The following RBFOX1 variants were observed in gnomAD, a reference collection of about 807,000 sequenced individuals.
RBFOX1 encodes RNA binding fox-1 homolog 1.
A neutral mutation model predicts 57.7 loss-of-function variants in RBFOX1; 8 were observed. The ratio of observed to expected loss-of-function variants is 0.14; its 90% CI spans 0.08 to 0.25. The LOEUF is 0.25. RBFOX1 is among the 10% of genes least tolerant of loss of function. The pLI, the probability that RBFOX1 is intolerant of heterozygous loss-of-function variation, is 1.00. For missense variants in RBFOX1, 611 were observed against 548.5 expected, an observed-to-expected ratio of 1.11 and a Z score of -1.14; for synonymous variants, 326 against 222.4, an observed-to-expected ratio of 1.47 and a Z score of -4.15.
At chr16:7,607,547 G>T (rs1349870885) in intron 10 of RBFOX1, among the ~76,000 whole-genome samples, 1 of 152,196 alleles carries the variant, frequency 6.6e-6, no homozygotes, top group African/African-American at 2.4e-5. Flanking sequence ...TGGGGGATCA[G>T]CGTGGAGCCA....
intron 3 of RBFOX1, among the ~76,000 whole-genome samples, chr16:5,854,957 G>C (rs1007526457): frequency 2.0e-5 from 3 of 152,096 alleles, no homozygotes; most frequent in Admixed American, 2.0e-4. Context: ...GTTTTGATTT[G>C]CATTGCCCCA....
intron 5 of RBFOX1, among the ~76,000 whole-genome samples, chr16:7,529,976 T>C (rs1307303257): frequency 7.2e-6 from 1 of 138,718 alleles, no homozygotes; most frequent in Non-Finnish European, 1.5e-5. Flanking sequence ...GCCACTGCAC[T>C]CTAGCCTGGA....
chr16:7,493,785 G>C (rs1268908783), intron 4 of RBFOX1, among the ~76,000 whole-genome samples: 1 of 152,180 alleles, frequency 6.6e-6, no homozygotes, highest in Non-Finnish European at 1.5e-5. Flanking sequence ...AGAACTAAAA[G>C]AGAATATGTT....
At chr16:5,257,588 C>T (rs1170800860) in intron 1 of RBFOX1, among the ~76,000 whole-genome samples, 2 of 152,220 alleles carry the variant, frequency 1.3e-5, no homozygotes, top group African/African-American at 4.8e-5. Flanking sequence ...CAGCCTGTCT[C>T]TGGCGCTGAG....
At chr16:5,845,274 G>A (rs989192686) in intron 3 of RBFOX1, among the ~76,000 whole-genome samples, 8 of 152,152 alleles carry the variant, frequency 5.3e-5, no homozygotes, top group East Asian at 1.9e-4. Flanking sequence ...TTCCACCACC[G>A]TTATCTGTTC....
At chr16:6,512,104 C>G (rs910074365) in intron 2 of RBFOX1, among the ~76,000 whole-genome samples, 1 of 149,306 alleles carries the variant, frequency 6.7e-6, no homozygotes, top group African/African-American at 2.5e-5. Flanking sequence ...GACCTCTCTT[C>G]TCTACAAATA....
intron 3 of RBFOX1, among the ~76,000 whole-genome samples, chr16:5,708,069 G>T (rs1329255973): frequency 2.0e-5 from 3 of 152,140 alleles, no homozygotes; most frequent in Admixed American, 6.5e-5. Flanking sequence ...GCTAGTTGCT[G>T]TCCATACCAA....
chr16:5,244,584 T>C (rs149805869), intron 1 of RBFOX1, among the ~76,000 whole-genome samples: 9 of 152,340 alleles, frequency 5.9e-5, no homozygotes, highest in African/African-American at 2.2e-4. Context: ...CTCTCTCTGC[T>C]GAGATATAGA....
At chr16:5,731,031 A>G (rs1369075550) in intron 3 of RBFOX1, among the ~76,000 whole-genome samples, 2 of 148,646 alleles carry the variant, frequency 1.3e-5, no homozygotes, top group Non-Finnish European at 3.1e-5. Context: ...AACCGTCATC[A>G]CCATGAACAT....
chr16:6,893,443 T>G (rs2065999837), intron 3 of RBFOX1, among the ~76,000 whole-genome samples: 1 of 152,192 alleles, frequency 6.6e-6, no homozygotes, highest in African/African-American at 2.4e-5. Flanking sequence ...CAAAAGATCT[T>G]TCTTTTAAAC....
chr16:6,855,943 C>T (rs1404603393), intron 3 of RBFOX1, among the ~76,000 whole-genome samples: 6 of 151,238 alleles, frequency 4.0e-5, no homozygotes, highest in African/African-American at 9.7e-5. Flanking sequence ...ATATTCACTT[C>T]ATGGGCTCTG....
intron 4 of RBFOX1, among the ~76,000 whole-genome samples, chr16:7,511,938 C>G (rs1400304449): frequency 6.6e-6 from 1 of 152,174 alleles, no homozygotes; most frequent in Non-Finnish European, 1.5e-5. Flanking sequence ...TCAAGAAAGT[C>G]CAGGCACTGA....
chr16:7,597,809 C>T (rs1158081148), intron 9 of RBFOX1, among the ~76,000 whole-genome samples: 1 of 152,186 alleles, frequency 6.6e-6, no homozygotes, highest in African/African-American at 2.4e-5. Context: ...CATTCCTGGA[C>T]GTGCAGTCAC....
chr16:6,372,929 G>A (rs1271699397), intron 2 of RBFOX1, among the ~76,000 whole-genome samples: 1 of 151,242 alleles, frequency 6.6e-6, no homozygotes, highest in African/African-American at 2.4e-5. Flanking sequence ...GGATTGTTGG[G>A]TAGGAGGATT....
chr16:6,811,623 C>T lies in RBFOX1; in HGVS notation c.-16+156973C>T, dbSNP rs578081491. 9.2e-5 allele frequency among the ~76,000 whole-genome samples: 14 copies of T among 152,128 alleles called. No individual in the cohort carries two copies. The South Asian group carries it at 2.9e-3, about 32-fold the overall frequency. ...AGGCACAGGAGGCCAGTTACGGTGC[C>T]TCAGGTCTGTAATCCTAGCACTTTG... is the stretch of plus-strand genomic sequence containing the variant. On this transcript the variant is annotated intron_variant, in intron 3 of 15. Coordinates refer to ENST00000550418, the MANE Select transcript of RBFOX1 (RefSeq NM_018723.4).
At chr16:7,323,452 A>AT (rs1326334875) in intron 4 of RBFOX1, among the ~76,000 whole-genome samples, 2 of 152,174 alleles carry the variant, frequency 1.3e-5, no homozygotes, top group African/African-American at 4.8e-5. Context: ...TTTTCTAAAA[A>AT]CCCAGGCCAC....
At chr16:6,366,548 C>T (rs529683610) in intron 2 of RBFOX1, among the ~76,000 whole-genome samples, 1 of 152,308 alleles carries the variant, frequency 6.6e-6, no homozygotes, top group African/African-American at 2.4e-5. Flanking sequence ...TTCTCTATAT[C>T]ACCCTTCAAG....
At chr16:7,481,949 T>A (rs115640129) in intron 4 of RBFOX1, among the ~76,000 whole-genome samples, 1,530 of 152,288 alleles carry the variant, frequency 0.01, 28 homozygotes, top group African/African-American at 0.036. Flanking sequence ...TGAAAAACAG[T>A]ATGGTTATTA....
At chr16:7,169,924 A>G (rs12917787) in intron 4 of RBFOX1, among the ~76,000 whole-genome samples, 38,591 of 151,830 alleles carry the variant, frequency 0.25, 5,214 homozygotes, top group Non-Finnish European at 0.31. Flanking sequence ...AATAAAAAAA[A>G]TAGCTGGGCA....
Sources: gnomAD v4.1 joint callset for allele counts (sites outside exome capture counted in the v4.1 genomes callset) on GRCh38, gnomAD v4.1.1 for gene constraint, MANE v1.5 for transcripts, NCBI Gene and HGNC (gene_info 2026-07-23, HGNC 2026-07-21) for gene names.